Variants in COX7A2 observed in about 807,000 individuals in gnomAD.
COX7A2 encodes cytochrome c oxidase subunit 7A2, mitochondrial.
In COX7A2, 11 loss-of-function variants were observed where a neutral mutation model predicts 11.6. The ratio of observed to expected loss-of-function variants is 0.95; its 90% CI spans 0.60 to 1.57. COX7A2 has a LOEUF of 1.57. Among genes scored for constraint, COX7A2 ranks in the 40% most tolerant of loss-of-function variants. COX7A2 has a pLI of 0.00. For synonymous variants in COX7A2, 30 were observed against 38.2 expected (o/e 0.78, Z 0.79); for missense variants, 106 against 100.9 (o/e 1.05, Z -0.22).
At chr6:75,245,989 C>G (rs552433287), upstream of COX7A2, among the ~76,000 whole-genome samples, 249 of 152,214 alleles carry the variant, frequency 1.6e-3, 1 homozygote, top group Non-Finnish European at 2.8e-3. Flanking sequence ...TTTTACTTTC[C>G]TTTCCTGGAT....
chr6:75,245,853 ATACTTT>A, upstream of COX7A2, among the ~76,000 whole-genome samples: 1 of 152,228 alleles, frequency 6.6e-6, no homozygotes, highest in Middle Eastern at 3.4e-3. Flanking sequence ...CCCTCACCAT[ATACTTT>A]TACTTTTTAA....
chr6:75,242,532 A>T (rs963012665), intron 1 of COX7A2, among the ~76,000 whole-genome samples: 1 of 151,808 alleles, frequency 6.6e-6, no homozygotes, highest in Non-Finnish European at 1.5e-5. Flanking sequence ...AAATAAAAAA[A>T]TAAAAAAGGC....
intron 3 of COX7A2, among the ~76,000 whole-genome samples, chr6:75,238,618 T>C (rs544068474): frequency 6.1e-5 from 9 of 148,482 alleles, no homozygotes; most frequent in South Asian, 2.1e-4. Context: ...GCAGGAGAAT[T>C]GCTTGAACCT....
At chr6:75,239,931 G>A (rs927985294) in intron 3 of COX7A2, among the ~76,000 whole-genome samples, 4 of 152,182 alleles carry the variant, frequency 2.6e-5, no homozygotes, top group East Asian at 3.9e-4. Context: ...GAGAAACTCC[G>A]TCTCTACTAA....
chr6:75,240,433 T>G lies in COX7A2; in HGVS notation c.109-48A>C, dbSNP rs138130371. On this transcript the variant is annotated intron_variant, in intron 2 of 3. Transcript: ENST00000684430. ...AAGACAATAATAAATGTCTCACTCA[T>G]TTCCAACTAAGTTTCAAAAGAACAG... The G allele has an allele frequency of 6.6e-5, 88 of 1,330,888 alleles. No individual in the cohort carries two copies. In the East Asian group the frequency reaches 1.9e-3, roughly 29 times the overall value. 82.4% of individuals were successfully genotyped at this position (1,330,888 alleles called of 1,614,324 possible).
rs111835003 is a variant in COX7A2 at position 75,238,940 on chromosome 6, G to A, written c.194-952C>T. Among the ~76,000 whole-genome samples, 946 of 151,724 alleles carry A rather than the reference G, an allele frequency of 6.2e-3. 3 individuals are homozygous for A. Among genetic ancestry groups the A allele is most frequent in the Non-Finnish European group, 9.1e-3 (620 of 67,920 alleles). On this transcript the variant is annotated intron_variant, in intron 3 of 3. Transcript: ENST00000684430. ...AGCAATCTTCCTGCCTCAGCTTCAC[G>A]AGTAGCTGGGATTGCAAGTGTGTGC...
At chr6:75,242,325 G>A (rs1284023273) in intron 1 of COX7A2, among the ~76,000 whole-genome samples, 2 of 152,080 alleles carry the variant, frequency 1.3e-5, no homozygotes, top group Non-Finnish European at 2.9e-5. Flanking sequence ...AGCCAACATG[G>A]CGAAACCCCG....
intron 1 of COX7A2, among the ~76,000 whole-genome samples, chr6:75,249,282 C>T (rs1771743872): frequency 6.6e-6 from 1 of 152,038 alleles, no homozygotes; most frequent in African/African-American, 2.4e-5. Context: ...ATAAATGGAG[C>T]AGAAATTAAG....
chr6:75,244,210 C>G (rs1300499428), upstream of COX7A2, among the ~76,000 whole-genome samples: 2 of 152,320 alleles, frequency 1.3e-5, no homozygotes, highest in African/African-American at 4.8e-5. Context: ...AAAAGAATTA[C>G]TCCTCTTACG....
chr6:75,242,311 GC>G (rs1270325543), intron 1 of COX7A2, among the ~76,000 whole-genome samples: 4 of 152,042 alleles, frequency 2.6e-5, no homozygotes, highest in Admixed American at 2.6e-4. Context: ...TCAAGACCCG[GC>G]CTAGCCAACA....
upstream of COX7A2, among the ~76,000 whole-genome samples, chr6:75,246,149 G>A (rs1771677574): frequency 6.6e-6 from 1 of 152,180 alleles, no homozygotes; most frequent in African/African-American, 2.4e-5. Flanking sequence ...AACTATTCAT[G>A]TGCTGACAAC....
At chr6:75,238,238 A>C (rs1771375360) in intron 3 of COX7A2, among the ~76,000 whole-genome samples, 1 of 152,124 alleles carries the variant, frequency 6.6e-6, no homozygotes, top group Non-Finnish European at 1.5e-5. Flanking sequence ...TTTAAAAATA[A>C]GATTAAGAAC....
chr6:75,248,641 G>T (rs374685213), upstream of COX7A2, among the ~76,000 whole-genome samples: 13 of 152,330 alleles, frequency 8.5e-5, no homozygotes, highest in African/African-American at 3.1e-4. Flanking sequence ...AGGATCTCCT[G>T]AGGGCTGTGT....
chr6:75,240,519 T>G, intron 2 of COX7A2, 134 bp from the exon 3 acceptor site: 1 of 584,014 alleles, frequency 1.7e-6, no homozygotes, highest in Non-Finnish European at 2.9e-6. Context: ...GTATTAAAAT[T>G]TAAAAGACCT....
At chr6:75,243,435 C>T (rs905538403) in intron 1 of COX7A2, among the ~76,000 whole-genome samples, 5 of 152,098 alleles carry the variant, frequency 3.3e-5, no homozygotes, top group African/African-American at 1.2e-4. Context: ...CATCAATGAC[C>T]GACAGGGTTA....
At chr6:75,244,258 C>T (rs958900521), upstream of COX7A2, among the ~76,000 whole-genome samples, 11 of 152,196 alleles carry the variant, frequency 7.2e-5, no homozygotes, top group African/African-American at 2.7e-4. Flanking sequence ...GGAATTGCTG[C>T]GGCACATTAC....
intron 3 of COX7A2, among the ~76,000 whole-genome samples, chr6:75,239,202 C>T (rs984161144): frequency 3.9e-5 from 6 of 152,272 alleles, no homozygotes; most frequent in Middle Eastern, 3.4e-3. Context: ...TCAGAAGTTC[C>T]GAAGACCCAA....
At chr6:75,243,888 C>T (rs539372353), upstream of COX7A2, 2 of 1,518,812 alleles carry the variant, frequency 1.3e-6, no homozygotes, top group Admixed American at 1.8e-5. Flanking sequence ...CCATAGAGAG[C>T]AAAAGAAAAA....
upstream of COX7A2, among the ~76,000 whole-genome samples, chr6:75,248,560 A>G (rs954393477): frequency 7.9e-5 from 12 of 152,238 alleles, no homozygotes; most frequent in African/African-American, 2.4e-4. Flanking sequence ...AATGTATTTG[A>G]TTGATGTCTC....
Sources: gnomAD v4.1 joint callset for allele counts (sites outside exome capture counted in the v4.1 genomes callset) on GRCh38, gnomAD v4.1.1 for gene constraint, MANE v1.5 for transcripts, NCBI Gene and HGNC (gene_info 2026-07-23, HGNC 2026-07-21) for gene names.